The following CMIP variants were observed in gnomAD, a reference collection of about 807,000 sequenced individuals.
CMIP encodes C-Maf-inducing protein.
Under a neutral mutation model 97.3 loss-of-function variants are expected in CMIP, and 13 were observed. The observed-to-expected ratio is 0.13, with a 90% CI of 0.09 to 0.21. CMIP has a LOEUF of 0.21. CMIP is among the 10% of genes least tolerant of loss of function. CMIP has a pLI of 1.00. For synonymous variants in CMIP, 538 were observed against 436.3 expected, an observed-to-expected ratio of 1.23 and a Z score of -2.91; for missense variants, 847 against 1,024.9, an observed-to-expected ratio of 0.83 and a Z score of 2.37.
chr16:81,689,983 C>T (rs1039585875), intron 10 of CMIP, among the ~76,000 whole-genome samples: 29 of 152,196 alleles, frequency 1.9e-4, no homozygotes, highest in African/African-American at 7.0e-4. Context: ...GGTATTATTT[C>T]TGAGGGCCCT....
chr16:81,578,070 CCATCACCTT>C (rs1182239962), intron 1 of CMIP, among the ~76,000 whole-genome samples: 1 of 151,976 alleles, frequency 6.6e-6, no homozygotes, highest in African/African-American at 2.4e-5. Flanking sequence ...ACCATCATCA[CCATCACCTT>C]CATCACCACC....
At chr16:81,537,812 C>A (rs1352515727) in intron 1 of CMIP, among the ~76,000 whole-genome samples, 1 of 152,218 alleles carries the variant, frequency 6.6e-6, no homozygotes, top group Non-Finnish European at 1.5e-5. Context: ...CAGGGAAACA[C>A]CCTGTGGTAT....
intron 1 of CMIP, among the ~76,000 whole-genome samples, chr16:81,542,136 G>A (rs1470054283): frequency 6.6e-6 from 1 of 152,148 alleles, no homozygotes; most frequent in African/African-American, 2.4e-5. Flanking sequence ...TCTTACCTGG[G>A]ACTCTCAGTA....
intron 1 of CMIP, among the ~76,000 whole-genome samples, chr16:81,524,482 G>A (rs1320284327): frequency 3.9e-5 from 6 of 152,242 alleles, no homozygotes; most frequent in Admixed American, 3.9e-4. Context: ...AACCTACTAA[G>A]CTCGTGGGGT....
intron 10 of CMIP, among the ~76,000 whole-genome samples, chr16:81,687,711 A>G (rs1362295888): frequency 6.6e-6 from 1 of 152,164 alleles, no homozygotes; most frequent in Non-Finnish European, 1.5e-5. Context: ...ATACAAGCCC[A>G]TCTGTACTCA....
At chr16:81,572,366 A>G (rs566343565) in intron 1 of CMIP, among the ~76,000 whole-genome samples, 219 of 152,252 alleles carry the variant, frequency 1.4e-3, no homozygotes, top group Non-Finnish European at 2.4e-3. Flanking sequence ...AGCCCCCACC[A>G]CCTTGCAGAT....
chr16:81,685,420 G>C (rs1466384971), intron 10 of CMIP, among the ~76,000 whole-genome samples: 2 of 152,190 alleles, frequency 1.3e-5, no homozygotes, highest in Admixed American at 6.5e-5. Flanking sequence ...TGCTGCTGGG[G>C]CTCATAGTCC....
Position 81,645,277 on chromosome 16 carries a change from C to T in CMIP, c.478-6926C>T, listed in dbSNP as rs112861156. ...GGCTCATATTTCCCTGTGGGGTCCT[C>T]CTCCACTCTGCAGTGCCATGGGCGC... On this transcript the variant is annotated intron_variant, in intron 3 of 20. Transcript: ENST00000537098. 7.3e-3 allele frequency: 6,585 copies of T among 899,868 alleles called. 174 individuals are homozygous for T. The highest frequency in any genetic ancestry group is 0.071 in the African/African-American group (4,119 of 58,196). The allele number at this position is 899,868 out of a possible 1,614,324, so 55.7% of individuals were successfully genotyped here. A position where few individuals can be genotyped will look rare whatever the true frequency, so the allele number is the denominator to read the frequency against.
At chr16:81,476,051 G>A in intron 1 of CMIP, 1 of 714,290 alleles carries the variant, frequency 1.4e-6, no homozygotes, top group South Asian at 1.4e-5. Flanking sequence ...GTTAGCAATA[G>A]TGATCTTCTT....
In CMIP at chr16:81,484,204, G is replaced by C. The variant is rs541333973; in HGVS notation, c.300+38663G>C. Reference sequence around the variant, plus strand: ...CAGGTGGAAGTCGCCCTTCCCTGGCGGACCTCGCCCGTTCCCATTCCTTCT... The same window carrying C: ...CAGGTGGAAGTCGCCCTTCCCTGGCCGACCTCGCCCGTTCCCATTCCTTCT... On this transcript the variant is annotated intron_variant, in intron 1 of 20. Transcript: ENST00000537098. Among the ~76,000 whole-genome samples the C allele has an allele frequency of 2.0e-5, 3 of 152,124 alleles. No homozygotes were observed. The East Asian group carries it at 5.8e-4, about 29-fold the overall frequency.
At chr16:81,495,552 G>A (rs376816017) in intron 1 of CMIP, 104 of 1,576,694 alleles carry the variant, frequency 6.6e-5, no homozygotes, top group Middle Eastern at 5.0e-4. Context: ...CTAAAACCTC[G>A]CCTGCTGCTG....
chr16:81,524,485 C>T (rs1388918350), intron 1 of CMIP, among the ~76,000 whole-genome samples: 1 of 152,234 alleles, frequency 6.6e-6, no homozygotes, highest in Non-Finnish European at 1.5e-5. Context: ...CTACTAAGCT[C>T]GTGGGGTTAT....
At chr16:81,490,826 G>A (rs2089393944) in intron 1 of CMIP, among the ~76,000 whole-genome samples, 1 of 152,128 alleles carries the variant, frequency 6.6e-6, no homozygotes, top group African/African-American at 2.4e-5. Flanking sequence ...CAAATGCACA[G>A]GCCCCAAGGA....
At chr16:81,633,058 G>C (rs531010427) in intron 3 of CMIP, among the ~76,000 whole-genome samples, 24 of 152,378 alleles carry the variant, frequency 1.6e-4, no homozygotes, top group Non-Finnish European at 3.1e-4. Context: ...ATGAGTCATG[G>C]AGCCATACAA....
At chr16:81,499,949 C>A (rs923354500) in intron 1 of CMIP, among the ~76,000 whole-genome samples, 3 of 152,260 alleles carry the variant, frequency 2.0e-5, no homozygotes, top group Admixed American at 2.0e-4. Context: ...CCCACGCACT[C>A]TGGGCTTCAC....
At chr16:81,584,692 C>T (rs2091351540) in intron 1 of CMIP, among the ~76,000 whole-genome samples, 3 of 152,180 alleles carry the variant, frequency 2.0e-5, no homozygotes, top group African/African-American at 4.8e-5. Context: ...AGCCCGGCGC[C>T]GTCCATCATC....
chr16:81,606,441 A>G (rs1474186732), intron 1 of CMIP, among the ~76,000 whole-genome samples: 1 of 152,108 alleles, frequency 6.6e-6, no homozygotes, highest in African/African-American at 2.4e-5. Context: ...CAAAGTGACA[A>G]GGACACCCGC....
chr16:81,592,083 C>G (rs1196289293), intron 1 of CMIP, among the ~76,000 whole-genome samples: 1 of 152,104 alleles, frequency 6.6e-6, no homozygotes, highest in East Asian at 1.9e-4. Flanking sequence ...CTTGGCCTCC[C>G]AAAGTGCCGG....
chr16:81,654,258 A>G (rs1421747452), intron 4 of CMIP, among the ~76,000 whole-genome samples: 1 of 151,774 alleles, frequency 6.6e-6, no homozygotes, highest in African/African-American at 2.4e-5. Flanking sequence ...TATTATTAAC[A>G]ATGGGGTCTC....
Sources: allele counts gnomAD v4.1 joint callset (sites outside exome capture counted in the v4.1 genomes callset), GRCh38; gene constraint gnomAD v4.1.1; transcripts MANE v1.5; gene names NCBI Gene and HGNC (gene_info 2026-07-23, HGNC 2026-07-21).